Variants in NPLOC4 observed in about 807,000 individuals in gnomAD.
The protein encoded by NPLOC4 is NPL4 homolog, ubiquitin recognition factor, also known as nuclear protein localization protein 4 homolog.
NPLOC4 carries 18 observed loss-of-function variants against 80.6 expected under a neutral mutation model. That is an observed-to-expected ratio of 0.22 (90% confidence interval 0.15 to 0.33). NPLOC4 has a LOEUF of 0.33. Ranked by LOEUF, NPLOC4 falls within the 10% of genes least tolerant of loss-of-function variation. The pLI is 1.00. For synonymous variants in NPLOC4, 313 were observed against 301.5 expected (o/e 1.04, Z -0.39); for missense variants, 540 against 786.1 (o/e 0.69, Z 3.74).
In NPLOC4 at chr17:81,580,655, C is replaced by T. The variant is rs1204226674; in HGVS notation, c.1281+8289G>A. 1.3e-5 allele frequency among the ~76,000 whole-genome samples: 2 copies of T among 152,204 alleles called. No homozygotes were observed. The highest frequency in any genetic ancestry group is 2.9e-5 in the Non-Finnish European group (2 of 68,036). Reference sequence around the variant, plus strand: ...TTCTCTCCCCTCTCAGGACTCGACCCACCAGGGCACTCCAAGCTTCTCTAC... The same window carrying T: ...TTCTCTCCCCTCTCAGGACTCGACCTACCAGGGCACTCCAAGCTTCTCTAC... On this transcript the variant is annotated intron_variant, in intron 12 of 16. Coordinates refer to ENST00000331134, the MANE Select transcript of NPLOC4 (RefSeq NM_017921.4). The surrounding 1 kb of genome is among the most constrained non-coding windows in gnomAD (Gnocchi z 4.4).
At chr17:81,571,815 A>T (rs9911460) in intron 13 of NPLOC4, among the ~76,000 whole-genome samples, 62,677 of 151,984 alleles carry the variant, frequency 0.41, 13,683 homozygotes, top group Non-Finnish European at 0.48. Context: ...AAAAGCCCTT[A>T]AAACTGTGAG....
At chr17:81,594,282 A>AAAAAC (rs2034832975) in intron 11 of NPLOC4, among the ~76,000 whole-genome samples, 1 of 82,546 alleles carries the variant, frequency 1.2e-5, no homozygotes, top group African/African-American at 3.3e-5. Context: ...CTCAAAAAAA[A>AAAAAC]AAAAAAAAAA....
At chr17:81,591,426 C>T (rs1317830627) in intron 11 of NPLOC4, among the ~76,000 whole-genome samples, 1 of 120,332 alleles carries the variant, frequency 8.3e-6, no homozygotes, top group Admixed American at 1.0e-4. Flanking sequence ...TGGAGCAAGA[C>T]TCCATCTCTG....
chr17:81,602,861 G>A (rs1489816313), intron 8 of NPLOC4, among the ~76,000 whole-genome samples: 3 of 151,520 alleles, frequency 2.0e-5, no homozygotes, highest in African/African-American at 7.3e-5. Context: ...GTAACATGGC[G>A]AGATCTGTCT....
Position 81,577,791 on chromosome 17 carries a change from C to CCT in NPLOC4, c.1282-5705_1282-5704dup, listed in dbSNP as rs1291899478. On this transcript the variant is annotated intron_variant, in intron 12 of 16. Transcript: ENST00000331134. The surrounding 1 kb of genome is among the most constrained non-coding windows in gnomAD (Gnocchi z 4.3). The stretch of plus-strand genomic sequence containing the variant: ...CAGGAACCTGGCTTGAGCCTGTGCT[C>CCT]CTCTCTGCACACCTGCCAGGCCTCC... 1.8e-4 allele frequency among the ~76,000 whole-genome samples: 27 copies of CCT among 152,140 alleles called. 1 individual carries two copies. The highest frequency in any genetic ancestry group is 1.7e-3 in the Admixed American group (26 of 15,280).
intron 3 of NPLOC4, among the ~76,000 whole-genome samples, 156 bp downstream of exon 3, chr17:81,622,010 T>A (rs977515928): frequency 2.0e-5 from 3 of 152,194 alleles, no homozygotes; most frequent in Non-Finnish European, 4.4e-5. Context: ...AATTACTGAA[T>A]TCCTGGCAAG....
chr17:81,629,627 G>C, intron 2 of NPLOC4, 98 bp downstream of exon 2: 1 of 946,272 alleles, frequency 1.1e-6, no homozygotes, highest in Non-Finnish European at 1.7e-6. Context: ...TTTGGGAATA[G>C]GGAAAATAAG....
rs537422548 is a variant in NPLOC4, at chr17:81,633,759, C to T, written c.15+3157G>A. On this transcript the variant is annotated intron_variant, in intron 1 of 16. Transcript: ENST00000331134. ...TGCTCTGTCACCCAGAGTGGGAGTG[C>T]GATGGCGCGACCTCGGTTCACTGCA... Among the ~76,000 whole-genome samples, 33 of 152,236 alleles carry T rather than the reference C, an allele frequency of 2.2e-4. 2 individuals are homozygous for T. The South Asian group carries it at 6.6e-3, about 31-fold the overall frequency.
In NPLOC4 at chr17:81,591,447, GAAAAAAA is replaced by G. The variant is rs71367067; in HGVS notation, c.1121-2350_1121-2344del. 5.0e-3 allele frequency among the ~76,000 whole-genome samples: 381 copies of G among 76,332 alleles called. 7 individuals are homozygous for G. In the Admixed American group the frequency reaches 0.051, roughly 10 times the overall value. The allele number at this position is 76,332 out of a possible 152,430, so 50.1% of individuals were successfully genotyped here. A position where few individuals can be genotyped will look rare whatever the true frequency, so the allele number is the denominator to read the frequency against. ...AAGACTCCATCTCTGGAGTAAAACA[GAAAAAAA>G]AAAAAAAAAAAAAAAAAACCTGCTC... is the stretch of plus-strand genomic sequence containing the variant. On this transcript the variant is annotated intron_variant, in intron 11 of 16. Coordinates refer to ENST00000331134, the MANE Select transcript of NPLOC4 (RefSeq NM_017921.4).
At chr17:81,629,414 T>G (rs2035876740) in intron 2 of NPLOC4, among the ~76,000 whole-genome samples, 2 of 152,100 alleles carry the variant, frequency 1.3e-5, no homozygotes, top group African/African-American at 4.8e-5. Context: ...GGTCTTGAAC[T>G]CCTCACTTCG....
intron 16 of NPLOC4, 62 bp downstream of exon 16, chr17:81,565,443 C>G: frequency 7.4e-7 from 1 of 1,348,602 alleles, no homozygotes; most frequent in South Asian, 1.2e-5. Context: ...GGGAGCTGTG[C>G]AGAGTGGGCT....
intron 13 of NPLOC4, among the ~76,000 whole-genome samples, chr17:81,569,558 G>A (rs8064538): frequency 0.023 from 3,578 of 152,312 alleles, 137 homozygotes; most frequent in African/African-American, 0.082. Flanking sequence ...CATTGGATTC[G>A]GAGGGCAAAT....
intron 2 of NPLOC4, among the ~76,000 whole-genome samples, chr17:81,629,332 C>T (rs754644010): frequency 4.0e-5 from 6 of 151,350 alleles, no homozygotes; most frequent in Non-Finnish European, 5.9e-5. Context: ...GCTGGGATTA[C>T]AGGCACCTAC....
intron 3 of NPLOC4, among the ~76,000 whole-genome samples, chr17:81,619,633 CTT>C (rs1340490369): frequency 1.3e-5 from 2 of 151,546 alleles, no homozygotes; most frequent in African/African-American, 4.8e-5. Context: ...AATGCCAACA[CTT>C]TGGGAGGCTG....
At chr17:81,601,245 T>C (rs969850315) in intron 8 of NPLOC4, among the ~76,000 whole-genome samples, 22 of 152,370 alleles carry the variant, frequency 1.4e-4, no homozygotes, top group South Asian at 2.1e-4. Context: ...TAACTGGGCA[T>C]ATCCTTGTAA....
Position 81,637,088 on chromosome 17 carries a change from G to C in NPLOC4, c.-158C>G. On this transcript the variant is annotated 5_prime_UTR_variant, in exon 1 of 17. Transcript: ENST00000331134. ...CGCCCGCCCGGCTCCGCCAGCCGCC[G>C]ACGTCCCGGTGCCTCGCTCAATACG... 2.7e-6 allele frequency: 1 copy of C among 368,668 alleles called. No individual in the cohort carries two copies. The allele number at this position is 368,668 out of a possible 1,614,324, so 22.8% of individuals were successfully genotyped here.
intron 15 of NPLOC4, 135 bp from the exon 16 acceptor site, chr17:81,565,742 T>C (rs977039504): frequency 9.1e-6 from 6 of 657,748 alleles, no homozygotes; most frequent in African/African-American, 1.8e-5. Context: ...GCTATCACTA[T>C]AAAATGCAAA....
intron 1 of NPLOC4, among the ~76,000 whole-genome samples, chr17:81,632,551 T>C (rs1288048638): frequency 2.0e-5 from 3 of 152,006 alleles, no homozygotes; most frequent in Admixed American, 2.0e-4. Flanking sequence ...TGACCTCAAG[T>C]TATCCACCCA....
At chr17:81,628,661 G>C (rs890874802) in intron 2 of NPLOC4, among the ~76,000 whole-genome samples, 1 of 152,172 alleles carries the variant, frequency 6.6e-6, no homozygotes, top group East Asian at 1.9e-4. Context: ...ACACCAGACA[G>C]AAATAGTCTG....
Sources: allele counts gnomAD v4.1 joint callset (sites outside exome capture counted in the v4.1 genomes callset), GRCh38; gene constraint gnomAD v4.1.1; non-coding constraint Gnocchi (gnomAD v3.1); transcripts MANE v1.5; gene names NCBI Gene and HGNC (gene_info 2026-07-23, HGNC 2026-07-21).